The following DYNC1I1 variants were observed in gnomAD, a reference collection of about 807,000 sequenced individuals.
DYNC1I1 encodes the protein dynein cytoplasmic 1 intermediate chain 1.
Under a neutral mutation model 86.6 loss-of-function variants are expected in DYNC1I1, and 43 were observed. The observed-to-expected ratio is 0.50, with a 90% CI of 0.39 to 0.64. DYNC1I1 has a LOEUF of 0.64. Among genes scored for constraint, DYNC1I1 ranks in the 30% least tolerant of loss-of-function variants. DYNC1I1 has a pLI of 0.00. For synonymous variants in DYNC1I1, 262 were observed against 283.7 expected, an observed-to-expected ratio of 0.92 and a Z score of 0.77; for missense variants, 604 against 788.8, an observed-to-expected ratio of 0.77 and a Z score of 2.81.
chr7:95,780,156 A>G (rs1793949252), intron 1 of DYNC1I1, among the ~76,000 whole-genome samples: 1 of 152,168 alleles, frequency 6.6e-6, no homozygotes, highest in Non-Finnish European at 1.5e-5. Flanking sequence ...TCCAAAGTGA[A>G]GCGAAGTAAT....
chr7:95,932,530 TTGGG>T (rs1327019317), intron 6 of DYNC1I1, among the ~76,000 whole-genome samples: 1 of 152,206 alleles, frequency 6.6e-6, no homozygotes, highest in African/African-American at 2.4e-5. Context: ...AGAAGTGTCC[TTGGG>T]TAGGGTATTT....
intron 6 of DYNC1I1, among the ~76,000 whole-genome samples, chr7:95,890,183 A>G (rs771223752): frequency 1.3e-5 from 2 of 152,232 alleles, no homozygotes; most frequent in Non-Finnish European, 2.9e-5. Context: ...AATCAACCTC[A>G]ATGCCCATCA....
At chr7:96,035,239 TG>T (rs1794902131) in intron 12 of DYNC1I1, among the ~76,000 whole-genome samples, 1 of 152,222 alleles carries the variant, frequency 6.6e-6, no homozygotes, top group African/African-American at 2.4e-5. Context: ...TATTAATACA[TG>T]TGTATTCTCA....
chr7:95,784,621 T>TA (rs1259685764), intron 1 of DYNC1I1, among the ~76,000 whole-genome samples: 1 of 152,204 alleles, frequency 6.6e-6, no homozygotes, highest in Non-Finnish European at 1.5e-5. Context: ...TGAGGACACT[T>TA]ACCTGCTGTA....
At chr7:96,084,669 C>T (rs988679044) in intron 16 of DYNC1I1, among the ~76,000 whole-genome samples, 2 of 151,982 alleles carry the variant, frequency 1.3e-5, no homozygotes, top group Non-Finnish European at 2.9e-5. Flanking sequence ...GTGATCCACT[C>T]GCCTCGGCCT....
intron 6 of DYNC1I1, among the ~76,000 whole-genome samples, chr7:95,940,017 T>C: frequency 6.6e-6 from 1 of 152,132 alleles, no homozygotes; most frequent in Non-Finnish European, 1.5e-5. Context: ...TCTCAGCATT[T>C]GCTTGTCTGT....
At chr7:96,020,721 C>T (rs1349191802) in intron 10 of DYNC1I1, among the ~76,000 whole-genome samples, 1 of 152,168 alleles carries the variant, frequency 6.6e-6, no homozygotes, top group Non-Finnish European at 1.5e-5. Flanking sequence ...TTCTTAGCAG[C>T]ATTATTCACA....
At chr7:96,034,711 A>G (rs1562979643) in intron 12 of DYNC1I1, among the ~76,000 whole-genome samples, 1 of 152,194 alleles carries the variant, frequency 6.6e-6, no homozygotes, top group Non-Finnish European at 1.5e-5. Context: ...CTTTGAACAC[A>G]TCACAGGATC....
intron 6 of DYNC1I1, among the ~76,000 whole-genome samples, chr7:95,974,121 T>C (rs1479548424): frequency 6.6e-6 from 1 of 152,214 alleles, no homozygotes; most frequent in Non-Finnish European, 1.5e-5. Context: ...CTGTTTTAAA[T>C]TGAGACTCTC....
intron 10 of DYNC1I1, among the ~76,000 whole-genome samples, chr7:96,016,302 GTTT>G (rs75914318): frequency 7.5e-6 from 1 of 132,722 alleles, no homozygotes. Context: ...AACACTTTAG[GTTT>G]TTTTTTTTTT....
chr7:96,055,262 G>A (rs895349252), intron 14 of DYNC1I1, among the ~76,000 whole-genome samples: 3 of 152,046 alleles, frequency 2.0e-5, no homozygotes, highest in Non-Finnish European at 4.4e-5. Context: ...TCTGTCGGGG[G>A]CTTGGGGGTT....
At chr7:96,109,181 A>G (rs969045260) in intron 16 of DYNC1I1, among the ~76,000 whole-genome samples, 1 of 149,198 alleles carries the variant, frequency 6.7e-6, no homozygotes, top group Non-Finnish European at 1.5e-5. Flanking sequence ...TTTTGATTTT[A>G]TTGTTTCTTA....
chr7:95,886,407 C>T (rs1416226962), intron 6 of DYNC1I1, among the ~76,000 whole-genome samples: 1 of 151,964 alleles, frequency 6.6e-6, no homozygotes, highest in Non-Finnish European at 1.5e-5. Flanking sequence ...GCACTCCAGC[C>T]TGGGTGACAG....
intron 14 of DYNC1I1, among the ~76,000 whole-genome samples, chr7:96,050,049 AC>A (rs1789355926): frequency 6.6e-6 from 1 of 151,250 alleles, no homozygotes; most frequent in African/African-American, 2.4e-5. Flanking sequence ...AAAAAAAAAA[AC>A]AGTATAGCTC....
In DYNC1I1 at chr7:96,097,845, A is replaced by G; in HGVS notation, c.*252A>G. On this transcript the variant is annotated 3_prime_UTR_variant, in exon 17 of 17. Coordinates refer to ENST00000447467, the MANE Select transcript of DYNC1I1 (RefSeq NM_001135556.2). ...ATGAAGAGAAGGGGGTTATGGGTTA[A>G]GTTGCTGCCTTTTAACTACTTTGTA... 8.3e-7 allele frequency: 1 copy of G among 1,207,482 alleles called. No homozygotes were observed. Among genetic ancestry groups the G allele is most frequent in the Non-Finnish European group, 1.0e-6 (1 of 965,668 alleles). The allele number at this position is 1,207,482 out of a possible 1,614,324, so 74.8% of individuals were successfully genotyped here.
At chr7:96,108,310 C>A (rs183114578) in intron 16 of DYNC1I1, among the ~76,000 whole-genome samples, 1 of 152,070 alleles carries the variant, frequency 6.6e-6, no homozygotes, top group Admixed American at 6.5e-5. Flanking sequence ...CTTTTTATAA[C>A]GTTGAGCTCA....
intron 1 of DYNC1I1, among the ~76,000 whole-genome samples, chr7:95,796,197 G>C (rs757712849): frequency 1.3e-5 from 2 of 152,084 alleles, no homozygotes; most frequent in Non-Finnish European, 2.9e-5. Context: ...AGGGGAGAAG[G>C]AGAATGGGGA....
chr7:96,032,215 G>A (rs1384253300), intron 11 of DYNC1I1, among the ~76,000 whole-genome samples: 1 of 152,094 alleles, frequency 6.6e-6, no homozygotes, highest in Non-Finnish European at 1.5e-5. Context: ...TTGGCATTGT[G>A]ACTATAATGC....
chr7:96,043,553 A>G (rs1789121464), intron 14 of DYNC1I1, among the ~76,000 whole-genome samples: 1 of 151,408 alleles, frequency 6.6e-6, no homozygotes, highest in African/African-American at 2.4e-5. Context: ...AAAAAAAAAC[A>G]GAACAAAACA....
Sources: allele counts gnomAD v4.1 joint callset (sites outside exome capture counted in the v4.1 genomes callset), GRCh38; gene constraint gnomAD v4.1.1; transcripts MANE v1.5; gene names NCBI Gene and HGNC (gene_info 2026-07-23, HGNC 2026-07-21).